Variants in CFAP99 observed in about 807,000 individuals in gnomAD.
CFAP99 encodes the protein cilia and flagella associated protein 99.
CFAP99 carries 84 observed loss-of-function variants against 82.7 expected under a neutral mutation model. That is an observed-to-expected ratio of 1.02 (90% CI 0.85 to 1.22). The LOEUF (loss-of-function observed/expected upper bound fraction) is 1.22. CFAP99 is among the 50% of genes most tolerant of loss of function. The pLI is 0.00. For synonymous variants in CFAP99, 456 were observed against 429.5 expected (o/e 1.06, Z -0.76); for missense variants, 1,059 against 983.5 (o/e 1.08, Z -1.03).
At chr4:2,431,404 C>G (rs1305344552) in intron 2 of CFAP99, among the ~76,000 whole-genome samples, 1 of 151,968 alleles carries the variant, frequency 6.6e-6, no homozygotes, top group African/African-American at 2.4e-5. Context: ...CCCCTGGTTA[C>G]TTATGAATAT....
chr4:2,448,502 A>T lies in CFAP99; in HGVS notation c.643-1168A>T, dbSNP rs1459637785. 4.6e-5 allele frequency among the ~76,000 whole-genome samples: 7 copies of T among 152,246 alleles called. No individual in the cohort carries two copies. The highest frequency in any genetic ancestry group is 1.7e-4 in the African/African-American group (7 of 41,462). Reference sequence around the variant, plus strand: ...GCCCACTGTAATTCACTCATTCATTATCTCAGACAAAGGAGATAAGACGTG... The same window carrying T: ...GCCCACTGTAATTCACTCATTCATTTTCTCAGACAAAGGAGATAAGACGTG... On this transcript the variant is annotated intron_variant, in intron 6 of 14. Transcript: ENST00000635017. This position sits in a 1 kb window ranked among gnomAD's most constrained non-coding sequence, Gnocchi z 5.2.
intron 5 of CFAP99, among the ~76,000 whole-genome samples, chr4:2,444,763 C>T (rs575315728): frequency 2.8e-4 from 43 of 152,298 alleles, no homozygotes; most frequent in Non-Finnish European, 4.7e-4. Flanking sequence ...TGCTGGCTTC[C>T]ATCTGCTCCA....
In CFAP99 at chr4:2,446,350, T is replaced by G. The variant is rs950553282; in HGVS notation, c.642+1042T>G. On this transcript the variant is annotated intron_variant, in intron 6 of 14. Transcript: ENST00000635017. This position sits in a 1 kb window ranked among gnomAD's most constrained non-coding sequence, Gnocchi z 5.0. ...TTATTTGTCCCATATTCTCTTTTTA[T>G]TTCATTTTATTATTGTTGTTATTAT... 6.6e-6 allele frequency among the ~76,000 whole-genome samples: 1 copy of G among 151,678 alleles called. No homozygotes were observed. The highest frequency in any genetic ancestry group is 6.6e-5 in the Admixed American group (1 of 15,226).
intron 6 of CFAP99, among the ~76,000 whole-genome samples, chr4:2,447,950 T>C (rs1578477127): frequency 2.0e-5 from 3 of 149,650 alleles, no homozygotes; most frequent in Admixed American, 2.0e-4. Context: ...GATGGATGGA[T>C]GGATGGATGG....
At chr4:2,438,730 A>G (rs1330332779) in intron 4 of CFAP99, among the ~76,000 whole-genome samples, 1 of 152,128 alleles carries the variant, frequency 6.6e-6, no homozygotes, top group African/African-American at 2.4e-5. Flanking sequence ...TGATTGAACC[A>G]CTGCACTTGG....
chr4:2,458,645 G>A (rs1734492112), intron 11 of CFAP99, 78 bp from the exon 12 acceptor site: 1 of 1,466,630 alleles, frequency 6.8e-7, no homozygotes, highest in Non-Finnish European at 9.0e-7. Flanking sequence ...ACCTCATGCT[G>A]CGCCCTGGGC....
At chr4:2,447,913 G>T (rs1176499891) in intron 6 of CFAP99, among the ~76,000 whole-genome samples, 1 of 143,302 alleles carries the variant, frequency 7.0e-6, no homozygotes, top group Non-Finnish European at 1.5e-5. Flanking sequence ...GAATGAGTGG[G>T]TGAATGAATG....
intron 3 of CFAP99, among the ~76,000 whole-genome samples, chr4:2,437,632 G>A (rs954363410): frequency 1.3e-5 from 2 of 152,176 alleles, no homozygotes; most frequent in East Asian, 1.9e-4. Context: ...CTCCTGTCCC[G>A]ACCCCTTGCC....
intron 4 of CFAP99, 62 bp downstream of exon 4, chr4:2,438,226 C>CAG: frequency 1.1e-6 from 1 of 939,840 alleles, no homozygotes; most frequent in Non-Finnish European, 1.7e-6. Context: ...GTCTGATCCT[C>CAG]GCCCACCTTT....
chr4:2,462,959 C>A (rs1413671269), downstream of CFAP99: 6 of 1,175,678 alleles, frequency 5.1e-6, no homozygotes, highest in East Asian at 1.3e-4. The surrounding 1 kb of genome is among the most constrained non-coding windows in gnomAD (Gnocchi z 4.1). Flanking sequence ...CGCTTGCGGG[C>A]CACCCCCTAC....
At chr4:2,433,094 G>A (rs1733831638) in intron 2 of CFAP99, among the ~76,000 whole-genome samples, 1 of 151,770 alleles carries the variant, frequency 6.6e-6, no homozygotes, top group Admixed American at 6.5e-5. Flanking sequence ...AGCCTGGCGT[G>A]GACTGGGATG....
intron 2 of CFAP99, among the ~76,000 whole-genome samples, chr4:2,435,852 C>T (rs373762899): frequency 3.4e-5 from 5 of 148,472 alleles, no homozygotes; most frequent in Admixed American, 6.7e-5. Flanking sequence ...CTCAGGAGGC[C>T]GAGGTGGGAA....
rs554712059 is a variant in CFAP99, at chr4:2,456,656, A to T, written c.1162-2067A>T. On this transcript the variant is annotated intron_variant, in intron 11 of 14. Coordinates refer to ENST00000635017, the Ensembl canonical transcript of CFAP99. ...TGCCTCAGCCTCCTGAGTAGCTGGG[A>T]TTACAGGCATGCACCATCATGCCTG... is the stretch of plus-strand genomic sequence containing the variant. 2.6e-5 allele frequency among the ~76,000 whole-genome samples: 4 copies of T among 152,096 alleles called. No homozygotes were observed. In the South Asian group the frequency reaches 8.3e-4, roughly 32 times the overall value.
chr4:2,454,595 T>TTTTTTTTTTTTTTTTG (rs1734384944), intron 11 of CFAP99, among the ~76,000 whole-genome samples: 1 of 107,950 alleles, frequency 9.3e-6, no homozygotes, highest in African/African-American at 4.4e-5. Flanking sequence ...TTTTTTTTTG[T>TTTTTTTTTTTTTTTTG]TTTTTTTTTT....
intron 6 of CFAP99, among the ~76,000 whole-genome samples, chr4:2,447,180 G>A (rs2108728104): frequency 6.6e-6 from 1 of 151,466 alleles, no homozygotes; most frequent in South Asian, 2.1e-4. Context: ...GTGAGTAGAT[G>A]GATGGGTGAG....
intron 11 of CFAP99, among the ~76,000 whole-genome samples, chr4:2,454,958 C>T (rs1485982318): frequency 3.3e-5 from 5 of 152,264 alleles, no homozygotes; most frequent in African/African-American, 1.2e-4. Context: ...CTCACTCTGT[C>T]GCCCAGGCTG....
Position 2,450,211 on chromosome 4 carries a change from C to A in CFAP99, c.795+206C>A, listed in dbSNP as rs568888965. 9.8e-5 allele frequency: 59 copies of A among 599,880 alleles called. 1 individual carries two copies. In the South Asian group the frequency reaches 1.1e-3, roughly 11 times the overall value. The allele number at this position is 599,880 out of a possible 1,614,324, so 37.2% of individuals were successfully genotyped here. ...TAAGCAGGCGGGTGTAGACGCGCAC[C>A]CACATCCCCCAGGAGGAAGCTCACG... On this transcript the variant is annotated intron_variant, in intron 8 of 14. Transcript: ENST00000635017.
intron 1 of CFAP99, 40 bp from the exon 2 acceptor site, chr4:2,426,419 C>A: frequency 1.5e-6 from 2 of 1,295,426 alleles, no homozygotes; most frequent in Non-Finnish European, 2.2e-6. Flanking sequence ...GCGGCTACAT[C>A]CCAGGTGTGG....
At chr4:2,441,986 C>G (rs796124577) in intron 4 of CFAP99, among the ~76,000 whole-genome samples, 1 of 152,208 alleles carries the variant, frequency 6.6e-6, no homozygotes, top group Non-Finnish European at 1.5e-5. Flanking sequence ...TCCAGGGAAT[C>G]TGCCCGCTGG....
Sources: gnomAD v4.1 joint callset for allele counts (sites outside exome capture counted in the v4.1 genomes callset) on GRCh38, gnomAD v4.1.1 for gene constraint, Gnocchi (gnomAD v3.1) non-coding constraint, MANE v1.5 for transcripts, NCBI Gene and HGNC (gene_info 2026-07-23, HGNC 2026-07-21) for gene names.